Variants in PHKA2 observed in about 807,000 individuals in gnomAD.
The protein encoded by PHKA2 is phosphorylase kinase regulatory subunit alpha 2, also known as phosphorylase b kinase regulatory subunit alpha, liver isoform.
Under a neutral mutation model 102.0 loss-of-function variants are expected in PHKA2, and 31 were observed. That is an observed-to-expected ratio of 0.30 (90% CI 0.23 to 0.41). The LOEUF is 0.41. Among genes scored for constraint, PHKA2 ranks in the 10% least tolerant of loss-of-function variants. The pLI is 1.00. For synonymous variants in PHKA2, 455 were observed against 416.2 expected, an observed-to-expected ratio of 1.09 and a Z score of -1.13; for missense variants, 858 against 1,023.1, an observed-to-expected ratio of 0.84 and a Z score of 2.20.
intron 6 of PHKA2, among the ~76,000 whole-genome samples, chrX:18,944,042 C>T (rs1014872942): frequency 9.1e-6 from 1 of 110,416 alleles, no homozygotes; most frequent in South Asian, 3.9e-4. Context: ...CTTGAACTCC[C>T]GGGCTCAGGT....
chrX:18,938,537 T>C, intron 10 of PHKA2, 90 bp downstream of exon 10: 1 of 971,864 alleles, frequency 1.0e-6, no homozygotes, highest in Non-Finnish European at 1.5e-6. Flanking sequence ...AACAGTGACC[T>C]AAATTCTTGC....
At chrX:18,895,485 T>C (rs1454266997) in intron 30 of PHKA2, 3 of 331,159 alleles carry the variant, frequency 9.1e-6, no homozygotes, top group Non-Finnish European at 1.6e-5. Context: ...ACTTGGCAAC[T>C]GGGCCCGGGC....
At chrX:18,917,466 C>T (rs1223381621) in intron 19 of PHKA2, among the ~76,000 whole-genome samples, 1 of 109,673 alleles carries the variant, frequency 9.1e-6, no homozygotes, top group African/African-American at 3.3e-5. Flanking sequence ...ACCATGTTGG[C>T]CAGGCTAGTC....
intron 2 of PHKA2, among the ~76,000 whole-genome samples, 166 bp downstream of exon 2, chrX:18,954,088 T>C (rs1277810602): frequency 8.9e-6 from 1 of 111,966 alleles, no homozygotes; most frequent in Non-Finnish European, 1.9e-5. Flanking sequence ...GAAAGACCAA[T>C]GTGAGGTTGA....
intron 17 of PHKA2, among the ~76,000 whole-genome samples, chrX:18,923,149 A>C (rs1416657087): frequency 9.4e-6 from 1 of 105,888 alleles, no homozygotes; most frequent in African/African-American, 3.5e-5. Context: ...TCCTAAGTTC[A>C]AGCGATTCTC....
At chrX:18,953,672 A>G (rs772263825) in intron 2 of PHKA2, among the ~76,000 whole-genome samples, 30 of 112,085 alleles carry the variant, frequency 2.7e-4, no homozygotes, top group Non-Finnish European at 4.9e-4. Context: ...CTAATTATAC[A>G]AATTGACACT....
intron 1 of PHKA2, among the ~76,000 whole-genome samples, chrX:18,976,077 T>C (rs1301382480): frequency 2.9e-5 from 3 of 102,953 alleles, no homozygotes; most frequent in Non-Finnish European, 5.9e-5. Context: ...CAGGTTCAAG[T>C]GATTCTCATG....
intron 5 of PHKA2, among the ~76,000 whole-genome samples, chrX:18,946,543 G>A (rs896606276): frequency 9.0e-6 from 1 of 110,944 alleles, no homozygotes; most frequent in African/African-American, 3.3e-5. Flanking sequence ...CCCACAAGCT[G>A]AGAGTGGAAC....
intron 1 of PHKA2, among the ~76,000 whole-genome samples, chrX:18,968,681 C>T (rs2048977990): frequency 9.3e-6 from 1 of 107,923 alleles, no homozygotes; most frequent in Non-Finnish European, 1.9e-5. Context: ...ATGCAGTTAG[C>T]CCAAATGTTG....
At chrX:18,966,352 A>G (rs956006869) in intron 1 of PHKA2, among the ~76,000 whole-genome samples, 2 of 110,222 alleles carry the variant, frequency 1.8e-5, no homozygotes, top group Middle Eastern at 4.7e-3. Context: ...TTGGCCTCCC[A>G]AAGTGCTGAG....
rs774035999 is a variant in PHKA2 at position 18,907,117 on chromosome X, G to A, written c.2518-20C>T. 4 of 1,132,344 alleles carry A rather than the reference G, an allele frequency of 3.5e-6. No homozygotes were observed. Among genetic ancestry groups the A allele is most frequent in the Non-Finnish European group, 3.6e-6 (3 of 838,210 alleles). The allele number at this position is 1,132,344 out of a possible 1,213,427, so 93.3% of individuals were successfully genotyped here. On this transcript the variant is annotated intron_variant, in intron 22 of 32. Coordinates refer to ENST00000379942, the MANE Select transcript of PHKA2 (RefSeq NM_000292.3). Reference sequence around the variant, plus strand: ...GCAGGCCTGCGCAGTTAAGGGGAAGGGTGAGAGGCAGAGCGCGAGAGAGAT... The same window carrying A: ...GCAGGCCTGCGCAGTTAAGGGGAAGAGTGAGAGGCAGAGCGCGAGAGAGAT...
intron 17 of PHKA2, among the ~76,000 whole-genome samples, chrX:18,923,047 C>CTTTTT (rs775796728): frequency 1.2e-5 from 1 of 82,534 alleles, no homozygotes. Flanking sequence ...TGAGATTCTC[C>CTTTTT]TTTTTTTTTT....
chrX:18,906,905 G>C, intron 23 of PHKA2, 91 bp from the exon 24 acceptor site: 1 of 1,008,363 alleles, frequency 9.9e-7, no homozygotes, highest in Non-Finnish European at 1.4e-6. Context: ...TTCTGTGCTA[G>C]ACGCATCCAT....
intron 12 of PHKA2, among the ~76,000 whole-genome samples, chrX:18,931,054 C>G (rs1486909729): frequency 2.7e-5 from 3 of 111,641 alleles, no homozygotes; most frequent in South Asian, 3.8e-4. Flanking sequence ...TGAGGCGGCT[C>G]CAAAGTATTT....
intron 19 of PHKA2, among the ~76,000 whole-genome samples, chrX:18,912,581 A>G (rs1466887387): frequency 9.5e-6 from 1 of 105,293 alleles, no homozygotes; most frequent in African/African-American, 3.5e-5. Flanking sequence ...GGCCTGGGCA[A>G]CATAGTGAGA....
chrX:18,938,588 T>C (rs764567873), intron 10 of PHKA2, 39 bp downstream of exon 10: 3 of 1,153,197 alleles, frequency 2.6e-6, no homozygotes, highest in African/African-American at 3.6e-5. Flanking sequence ...ACCAGTGGAA[T>C]GAAAATAATT....
chrX:18,902,645 C>T (rs1428307623), intron 26 of PHKA2: 1 of 110,807 alleles, frequency 9.0e-6, no homozygotes, highest in African/African-American at 3.3e-5. Context: ...CCTGTAATCC[C>T]AGCTACTCGG....
At chrX:18,977,856 T>TA (rs2049111591) in intron 1 of PHKA2, among the ~76,000 whole-genome samples, 1 of 112,103 alleles carries the variant, frequency 8.9e-6, no homozygotes, top group Non-Finnish European at 1.9e-5. Context: ...TAAAAAGTTT[T>TA]AAAAAAATAA....
chrX:18,964,653 G>C (rs938463015), intron 1 of PHKA2, among the ~76,000 whole-genome samples: 1 of 112,287 alleles, frequency 8.9e-6, no homozygotes, highest in African/African-American at 3.2e-5. Flanking sequence ...TATTAAAGAG[G>C]AGTGGGGAAG....
Sources: gnomAD v4.1 joint callset for allele counts (sites outside exome capture counted in the v4.1 genomes callset) on GRCh38, gnomAD v4.1.1 for gene constraint, MANE v1.5 for transcripts, NCBI Gene and HGNC (gene_info 2026-07-23, HGNC 2026-07-21) for gene names.